The following THADA variants were observed in gnomAD, a reference collection of about 807,000 sequenced individuals.
The protein encoded by THADA is THADA armadillo repeat containing, also known as tRNA (32-2'-O)-methyltransferase regulator THADA.
Under a neutral mutation model 219.8 loss-of-function variants are expected in THADA, and 213 were observed. The observed-to-expected ratio is 0.97, with a 90% CI of 0.87 to 1.09. The LOEUF is 1.09. Ranked by LOEUF, THADA falls within the 50% of genes least tolerant of loss-of-function variation. THADA has a pLI of 0.00. For missense variants in THADA, 2,956 were observed against 2,311.3 expected (o/e 1.28, Z -5.72); for synonymous variants, 1,018 against 828.9 (o/e 1.23, Z -3.92).
intron 12 of THADA, among the ~76,000 whole-genome samples, chr2:43,572,178 T>C (rs1022918906): frequency 6.6e-6 from 1 of 152,192 alleles, no homozygotes; most frequent in African/African-American, 2.4e-5. Context: ...CTTAAATTAC[T>C]GCCAGACACT....
intron 29 of THADA, among the ~76,000 whole-genome samples, chr2:43,350,897 A>G (rs1207570959): frequency 6.6e-6 from 1 of 152,222 alleles, no homozygotes; most frequent in Non-Finnish European, 1.5e-5. Context: ...AAGGATGCTA[A>G]GTACAAAGTG....
intron 24 of THADA, among the ~76,000 whole-genome samples, chr2:43,499,713 A>T (rs1194590405): frequency 1.3e-5 from 2 of 152,062 alleles, no homozygotes; most frequent in Admixed American, 1.3e-4. Flanking sequence ...TTTCAAGCAC[A>T]TTAAACACTG....
At chr2:43,424,693 T>C (rs896197658) in intron 28 of THADA, among the ~76,000 whole-genome samples, 3 of 152,184 alleles carry the variant, frequency 2.0e-5, no homozygotes, top group Non-Finnish European at 4.4e-5. Context: ...CAGTGAACAT[T>C]TTGGGGTAGC....
chr2:43,572,982 T>C lies in THADA; in HGVS notation c.1740A>G (p.Gln580=). The change falls in exon 12 of 38, where the codon CAA becomes CAG. Residue 580 remains glutamine, a synonymous_variant. Transcript: ENST00000405975. ...TACAAGACCCTAAGGATGGGAAAGA[T>C]TGCTCTTGTCCTGAAAGCACAATAA... is the stretch of plus-strand genomic sequence containing the variant. The part of the protein sequence containing the change: ...TSIDAKTGQE[Q]SFPSLGSCNS... 1.2e-6 allele frequency: 2 copies of C among 1,613,500 alleles called. No homozygotes were observed. The highest frequency in any genetic ancestry group is 1.3e-5 in the African/African-American group (1 of 75,020).
chr2:43,361,953 A>G (rs1669571471), intron 29 of THADA, among the ~76,000 whole-genome samples: 1 of 152,158 alleles, frequency 6.6e-6, no homozygotes, highest in Non-Finnish European at 1.5e-5. Flanking sequence ...ATTCTTTCCA[A>G]CTGAGACTGC....
At chr2:43,258,190 T>G (rs1311353579) in intron 36 of THADA, among the ~76,000 whole-genome samples, 1 of 152,124 alleles carries the variant, frequency 6.6e-6, no homozygotes, top group Admixed American at 6.5e-5. Flanking sequence ...GTGTAAGTAT[T>G]CCCAAATATA....
intron 22 of THADA, among the ~76,000 whole-genome samples, chr2:43,512,771 G>C (rs1410698536): frequency 1.3e-5 from 2 of 152,158 alleles, no homozygotes; most frequent in African/African-American, 4.8e-5. Flanking sequence ...CAAAGTGCTG[G>C]GATTACAGGC....
At chr2:43,290,406 C>T (rs1478122861) in intron 34 of THADA, among the ~76,000 whole-genome samples, 1 of 151,978 alleles carries the variant, frequency 6.6e-6, no homozygotes, top group African/African-American at 2.4e-5. Context: ...CCCTGGCTTG[C>T]CTTTGAGTGA....
intron 26 of THADA, among the ~76,000 whole-genome samples, chr2:43,451,322 T>C (rs1050301061): frequency 1.8e-4 from 27 of 152,290 alleles, no homozygotes; most frequent in Non-Finnish European, 2.9e-4. Flanking sequence ...TGAACAGCTA[T>C]CCACACTCCT....
At chr2:43,444,134 C>T (rs759162386) in intron 26 of THADA, among the ~76,000 whole-genome samples, 6 of 152,190 alleles carry the variant, frequency 3.9e-5, no homozygotes, top group East Asian at 3.8e-4. Flanking sequence ...AAAATCACCA[C>T]GAACTTACCA....
chr2:43,426,235 G>A (rs1678405577), intron 28 of THADA, among the ~76,000 whole-genome samples: 1 of 152,032 alleles, frequency 6.6e-6, no homozygotes, highest in Non-Finnish European at 1.5e-5. Flanking sequence ...GCAACATTTT[G>A]GAAAGGTACT....
chr2:43,428,542 T>A (rs1345412045), intron 27 of THADA, among the ~76,000 whole-genome samples: 1 of 152,070 alleles, frequency 6.6e-6, no homozygotes, highest in African/African-American at 2.4e-5. Context: ...GAGGCGGAGG[T>A]TGCAGTGAGC....
intron 28 of THADA, among the ~76,000 whole-genome samples, chr2:43,411,477 A>G (rs1676297525): frequency 6.6e-6 from 1 of 152,292 alleles, no homozygotes; most frequent in East Asian, 1.9e-4. Context: ...TATTAAGGTA[A>G]AAGATTCCCC....
At chr2:43,480,248 C>T (rs866796124) in intron 26 of THADA, among the ~76,000 whole-genome samples, 3 of 152,180 alleles carry the variant, frequency 2.0e-5, no homozygotes, top group Non-Finnish European at 4.4e-5. Context: ...GCTGTGATCT[C>T]GGCTAAGTTA....
chr2:43,442,892 C>G (rs1458514370), intron 26 of THADA, among the ~76,000 whole-genome samples: 1 of 152,124 alleles, frequency 6.6e-6, no homozygotes, highest in Non-Finnish European at 1.5e-5. Context: ...CACCTCCACT[C>G]TCCGCCTCTG....
At chr2:43,406,047 C>A (rs914869305) in intron 28 of THADA, among the ~76,000 whole-genome samples, 1 of 152,184 alleles carries the variant, frequency 6.6e-6, no homozygotes, top group Non-Finnish European at 1.5e-5. Flanking sequence ...GCTATTAATT[C>A]CAGGCTGTGA....
chr2:43,482,016 C>T (rs1219621665), intron 26 of THADA, among the ~76,000 whole-genome samples: 1 of 152,108 alleles, frequency 6.6e-6, no homozygotes, highest in African/African-American at 2.4e-5. Flanking sequence ...AAATGAGGAG[C>T]TATGAAGCTG....
intron 30 of THADA, among the ~76,000 whole-genome samples, chr2:43,338,878 G>C (rs1205346032): frequency 6.6e-6 from 1 of 152,192 alleles, no homozygotes; most frequent in East Asian, 1.9e-4. Context: ...AAGTGGAATT[G>C]TTGGATTAAC....
At chr2:43,549,018 C>G (rs1399908959) in intron 20 of THADA, among the ~76,000 whole-genome samples, 192 bp downstream of exon 20, 10 of 152,204 alleles carry the variant, frequency 6.6e-5, no homozygotes, top group Admixed American at 5.9e-4. Context: ...TTGGCTCCAC[C>G]CCCCTGGTAA....
Sources: allele counts gnomAD v4.1 joint callset (sites outside exome capture counted in the v4.1 genomes callset), GRCh38; gene constraint gnomAD v4.1.1; transcripts MANE v1.5; gene names NCBI Gene and HGNC (gene_info 2026-07-23, HGNC 2026-07-21).